The following PIEZO1 variants were observed in gnomAD, a reference collection of about 807,000 sequenced individuals.
The protein encoded by PIEZO1 is piezo type mechanosensitive ion channel component 1 (Er blood group), also known as piezo-type mechanosensitive ion channel component 1.
In PIEZO1, 296 loss-of-function variants were observed where a neutral mutation model predicts 297.2. That is an observed-to-expected ratio of 1.00 (90% CI 0.91 to 1.10). PIEZO1 has a LOEUF of 1.10. Ranked by LOEUF, PIEZO1 falls within the 50% of genes least tolerant of loss-of-function variation. PIEZO1 has a pLI of 0.00. For synonymous variants in PIEZO1, 2,427 were observed against 1,507.5 expected, an observed-to-expected ratio of 1.61 and a Z score of -14.13; for missense variants, 5,018 against 3,455.5, an observed-to-expected ratio of 1.45 and a Z score of -11.34.
chr16:88,777,879 G>A (rs935928682), intron 1 of PIEZO1, among the ~76,000 whole-genome samples: 10 of 152,042 alleles, frequency 6.6e-5, no homozygotes, highest in East Asian at 1.9e-4. Context: ...GGCTCCTCCC[G>A]GGCAGGTGGC....
At chr16:88,729,654 G>C (rs1467065475) in intron 22 of PIEZO1, among the ~76,000 whole-genome samples, 1 of 137,232 alleles carries the variant, frequency 7.3e-6, no homozygotes, top group Non-Finnish European at 1.5e-5. Context: ...GGAACCTCGC[G>C]ACCCAAAAAC....
Position 88,716,456 on chromosome 16 carries a change from C to T in PIEZO1, c.6954G>A (p.Glu2318=), listed in dbSNP as rs1227339743. 7.1e-6 allele frequency: 11 copies of T among 1,549,326 alleles called. No individual in the cohort carries two copies. The highest frequency in any genetic ancestry group is 1.4e-5 in the African/African-American group (1 of 73,056). ...CCAGCATGTGCTTCTCGTTGGCATA[C>T]TCCACAGTGCCTCCCTTCGCCAGGT... ...QRDLAKGGTV[E]YANEKHMLAL... is the part of the protein sequence containing the mutation. Residue 2318 remains glutamate (E), a synonymous_variant, in exon 48 of 51, where the codon GAG becomes GAA. Coordinates refer to ENST00000301015, the MANE Select transcript of PIEZO1 (RefSeq NM_001142864.4).
chr16:88,780,913 C>T (rs758948131), intron 1 of PIEZO1, among the ~76,000 whole-genome samples: 3 of 152,328 alleles, frequency 2.0e-5, no homozygotes, highest in South Asian at 2.1e-4. Context: ...GCCAAAATCA[C>T]GCCGCTACAC....
At chr16:88,756,310 CT>C (rs1451148833) in intron 1 of PIEZO1, among the ~76,000 whole-genome samples, 2 of 152,186 alleles carry the variant, frequency 1.3e-5, no homozygotes, top group Non-Finnish European at 2.9e-5. Context: ...TAAGAGGCCC[CT>C]CCACAACCTG....
chr16:88,726,700 G>T lies in PIEZO1; in HGVS notation c.3699+15C>A, dbSNP rs1451421699. 3 of 1,548,746 alleles carry T rather than the reference G, an allele frequency of 1.9e-6. No individual in the cohort carries two copies. The highest frequency in any genetic ancestry group is 2.4e-5 in the East Asian group (1 of 40,906). On this transcript the variant is annotated intron_variant, in intron 25 of 50. Coordinates refer to ENST00000301015, the MANE Select transcript of PIEZO1 (RefSeq NM_001142864.4). Reference sequence around the variant, plus strand: ...GGGCCCCAGGGCGGTGGGTGCGGGGGGGCCGGAGGCTCACCGACAGCATGT... The same window carrying T: ...GGGCCCCAGGGCGGTGGGTGCGGGGTGGCCGGAGGCTCACCGACAGCATGT...
rs1264518983 is a variant in PIEZO1, at chr16:88,715,532, G to C, written c.*73C>G. On this transcript the variant is annotated 3_prime_UTR_variant, in exon 51 of 51. Coordinates refer to ENST00000301015, the MANE Select transcript of PIEZO1 (RefSeq NM_001142864.4). ...GACGGGGCAGTGGCTCCCCCGGCCT[G>C]AGGAGTGCCGCCCCTTGTGGCCACG... 2 of 1,439,728 alleles carry C rather than the reference G, an allele frequency of 1.4e-6. No individual in the cohort carries two copies. Among genetic ancestry groups the C allele is most frequent in the Non-Finnish European group, 1.9e-6 (2 of 1,064,952 alleles). 89.2% of individuals were successfully genotyped at this position (1,439,728 alleles called of 1,614,324 possible).
chr16:88,762,639 G>A (rs1398080513), intron 1 of PIEZO1, among the ~76,000 whole-genome samples: 4 of 152,190 alleles, frequency 2.6e-5, no homozygotes, highest in Non-Finnish European at 5.9e-5. Flanking sequence ...GCAGCCTCTC[G>A]GGTCTCCCGG....
Position 88,733,671 on chromosome 16 carries a change from C to T in PIEZO1, c.2404G>A (p.Val802Met), listed in dbSNP as rs749307718. The T allele has an allele frequency of 3.1e-5, 48 of 1,549,768 alleles. No homozygotes were observed. Among genetic ancestry groups the T allele is most frequent in the African/African-American group, 1.2e-4 (9 of 73,158 alleles). ...AAGFSDVLSRVQVFLRRLLEL... is the reference protein window; with the variant it reads ...AAGFSDVLSRMQVFLRRLLEL... Reference sequence around the variant, plus strand: ...AGCAGCCGCCGCAGGAACACCTGCACGCGTGAGAGGACGTCCGAGAAGCCG... The same window carrying T: ...AGCAGCCGCCGCAGGAACACCTGCATGCGTGAGAGGACGTCCGAGAAGCCG... The change falls in exon 18 of 51, where the codon GTG becomes ATG. Residue 802 changes from valine (V) to methionine (M), a missense_variant. Val to Met is a conservative substitution (Grantham distance 21). Transcript: ENST00000301015.
chr16:88,717,316 C>T lies in PIEZO1; in HGVS notation c.6472-105G>A, dbSNP rs1912121069. The T allele has an allele frequency of 3.0e-6, 3 of 997,864 alleles. No homozygotes were observed. The Admixed American group carries it at 6.0e-5, about 20-fold the overall frequency. 61.8% of individuals were successfully genotyped at this position (997,864 alleles called of 1,614,324 possible). On this transcript the variant is annotated intron_variant, in intron 44 of 50. Coordinates refer to ENST00000301015, the MANE Select transcript of PIEZO1 (RefSeq NM_001142864.4). ...GCAGCCCAGAAAAGCCCCAGCCTGA[C>T]CTCAGTATGGCACAGCGGTAGTAAT...
rs185970027 is a variant in PIEZO1, at chr16:88,733,872, T to G, written c.2329+34A>C. 5.9e-3 allele frequency: 8,717 copies of G among 1,471,604 alleles called. 38 individuals carry two copies. Among genetic ancestry groups the G allele is most frequent in the Non-Finnish European group, 7.3e-3 (8,064 of 1,105,632 alleles). The allele number at this position is 1,471,604 out of a possible 1,614,324, so 91.2% of individuals were successfully genotyped here. ...CGAGCTGGGACATGGCACAGCAGAC[T>G]GGGTGGCAGCTGTGCTCTGCCCGCC... is the stretch of plus-strand genomic sequence containing the variant. On this transcript the variant is annotated intron_variant, in intron 17 of 50. Transcript: ENST00000301015.
chr16:88,731,450 T>G, intron 22 of PIEZO1: 12 of 485,042 alleles, frequency 2.5e-5, no homozygotes, highest in South Asian at 5.9e-5. Context: ...TTCCTGAAGG[T>G]TTGAAATATT....
intron 6 of PIEZO1, 28 bp downstream of exon 6, chr16:88,738,540 T>C (rs1905414462): frequency 3.3e-6 from 5 of 1,530,942 alleles, no homozygotes; most frequent in East Asian, 2.5e-5. Flanking sequence ...CCAGTGTGAC[T>C]GCCAGTGCCC....
intron 44 of PIEZO1, chr16:88,717,480 G>A (rs531773669): frequency 4.5e-5 from 27 of 594,932 alleles, no homozygotes; most frequent in South Asian, 1.4e-4. Context: ...TGCAGGCACC[G>A]CCCCAGGCAG....
chr16:88,720,363 T>C (rs1912343029), intron 41 of PIEZO1, 22 bp downstream of exon 41: 2 of 1,550,178 alleles, frequency 1.3e-6, no homozygotes, highest in Middle Eastern at 1.7e-4. Flanking sequence ...TACACTGGGT[T>C]TGGGTCCCGG....
At chr16:88,723,394 G>C in intron 31 of PIEZO1, 66 bp from the exon 32 acceptor site, 1 of 1,520,478 alleles carries the variant, frequency 6.6e-7, no homozygotes, top group Non-Finnish European at 8.8e-7. Flanking sequence ...GGAAGCTGGG[G>C]TTGGGCAAGC....
At chr16:88,748,640 G>A (rs1044942875) in intron 2 of PIEZO1, among the ~76,000 whole-genome samples, 1 of 152,110 alleles carries the variant, frequency 6.6e-6, no homozygotes, top group African/African-American at 2.4e-5. Flanking sequence ...GTGGGCAGTT[G>A]GGGCCCATCC....
intron 1 of PIEZO1, among the ~76,000 whole-genome samples, chr16:88,765,618 G>A (rs1184372564): frequency 5.9e-5 from 9 of 151,840 alleles, no homozygotes; most frequent in East Asian, 1.9e-4. Flanking sequence ...GGACAGCAGC[G>A]CCTGGAGCCT....
In PIEZO1 at chr16:88,741,399, T is replaced by C. The variant is rs914347366; in HGVS notation, c.465+79A>G. ...AACGTCTACATCTGTTTTAAAAAGA[T>C]TAAAATAACCCTCAAAATGGCTGAG... is the stretch of plus-strand genomic sequence containing the variant. On this transcript the variant is annotated intron_variant, in intron 5 of 50. Transcript: ENST00000301015. The C allele has an allele frequency of 1.0e-5, 13 of 1,290,882 alleles. No individual in the cohort carries two copies. The South Asian group carries it at 1.8e-4, about 18-fold the overall frequency. 80.0% of individuals were successfully genotyped at this position (1,290,882 alleles called of 1,614,324 possible).
chr16:88,725,157 G>A, intron 29 of PIEZO1, 77 bp from the exon 30 acceptor site: 1 of 1,030,700 alleles, frequency 9.7e-7, no homozygotes, highest in Non-Finnish European at 1.4e-6. Context: ...CTCCCGTCTT[G>A]GAGACAGGAT....
Sources: gnomAD v4.1 joint callset for allele counts (sites outside exome capture counted in the v4.1 genomes callset) on GRCh38, gnomAD v4.1.1 for gene constraint, MANE v1.5 for transcripts, NCBI Gene and HGNC (gene_info 2026-07-23, HGNC 2026-07-21) for gene names.